Variants in ITPK1 observed in about 807,000 individuals in gnomAD.
ITPK1 encodes inositol 1,3,4-trisphosphate 5/6-kinase.
Under a neutral mutation model 45.3 loss-of-function variants are expected in ITPK1, and 21 were observed. The ratio of observed to expected loss-of-function variants is 0.46; its 90% CI spans 0.33 to 0.67. The LOEUF (loss-of-function observed/expected upper bound fraction) is 0.67, where lower values mean the gene tolerates loss of function less well. Among genes scored for constraint, ITPK1 ranks in the 30% least tolerant of loss-of-function variants. The probability of loss-of-function intolerance (pLI) is 0.02; values close to 1 mark genes in which losing one functional copy is unlikely to be tolerated. For missense variants in ITPK1, 474 were observed against 573.5 expected, an observed-to-expected ratio of 0.83 and a Z score of 1.77; for synonymous variants, 258 against 253.6, an observed-to-expected ratio of 1.02 and a Z score of -0.16.
At chr14:92,997,990 C>A (rs184793946) in intron 4 of ITPK1, among the ~76,000 whole-genome samples, 11 of 152,320 alleles carry the variant, frequency 7.2e-5, no homozygotes, top group Non-Finnish European at 1.5e-4. Context: ...CCTCCTCGAT[C>A]CTCACAGGCA....
At chr14:93,078,070 G>A (rs370690686) in intron 2 of ITPK1, among the ~76,000 whole-genome samples, 1 of 152,232 alleles carries the variant, frequency 6.6e-6, no homozygotes, top group Admixed American at 6.5e-5. Context: ...CTGGCACACA[G>A]ACACTCCTCA....
intron 4 of ITPK1, among the ~76,000 whole-genome samples, chr14:93,001,396 C>T (rs1293254167): frequency 1.3e-5 from 2 of 152,130 alleles, no homozygotes; most frequent in African/African-American, 2.4e-5. Flanking sequence ...CAGCTTTCCA[C>T]GTGGAATAGA....
chr14:93,061,871 T>C (rs1276598894), intron 3 of ITPK1, among the ~76,000 whole-genome samples: 1 of 152,210 alleles, frequency 6.6e-6, no homozygotes, highest in Non-Finnish European at 1.5e-5. Flanking sequence ...GATAATATTA[T>C]GCAGTCATTT....
intron 2 of ITPK1, among the ~76,000 whole-genome samples, chr14:93,105,704 T>C (rs1299792985): frequency 1.4e-5 from 1 of 72,154 alleles, no homozygotes; most frequent in Admixed American, 1.3e-4. Flanking sequence ...TTTGTGGGGT[T>C]TTTTTTTTTT....
At chr14:93,097,457 C>T (rs1262122213) in intron 2 of ITPK1, among the ~76,000 whole-genome samples, 1 of 152,150 alleles carries the variant, frequency 6.6e-6, no homozygotes, top group Non-Finnish European at 1.5e-5. Flanking sequence ...AGCCCCAGGG[C>T]AGAGACCCCT....
At position 93,045,644 on chromosome 14, in the gene ITPK1, G is replaced by A. The variant is rs539817653; in HGVS notation, c.121-28843C>T. Reference sequence around the variant, plus strand: ...AAATAGCCACTGTACTCCAGCCTGGGCAACACAGCGAAACCCTATCTAAGA... The same window carrying A: ...AAATAGCCACTGTACTCCAGCCTGGACAACACAGCGAAACCCTATCTAAGA... On this transcript the variant is annotated intron_variant, in intron 3 of 10. Coordinates refer to ENST00000267615, the MANE Select transcript of ITPK1 (RefSeq NM_014216.6). Among the ~76,000 whole-genome samples, 4 of 152,282 alleles carry A rather than the reference G, an allele frequency of 2.6e-5. No homozygotes were observed. The South Asian group carries it at 8.3e-4, about 32-fold the overall frequency.
chr14:92,962,648 C>T (rs1452153773), intron 6 of ITPK1, 103 bp downstream of exon 6: 19 of 917,608 alleles, frequency 2.1e-5, no homozygotes, highest in Admixed American at 5.4e-5. Flanking sequence ...CATCCATCCT[C>T]GGGTGAGCTT....
chr14:93,083,132 A>G (rs8019022), intron 2 of ITPK1, among the ~76,000 whole-genome samples: 9 of 152,132 alleles, frequency 5.9e-5, no homozygotes, highest in African/African-American at 2.2e-4. Context: ...AAGAGTGATG[A>G]GGAGCAGAGA....
chr14:92,946,610 C>A, intron 9 of ITPK1, 117 bp from the exon 10 acceptor site: 3 of 1,008,064 alleles, frequency 3.0e-6, no homozygotes, highest in Non-Finnish European at 4.4e-6. Context: ...GGCCAGGAAG[C>A]CAGACAGACC....
intron 3 of ITPK1, among the ~76,000 whole-genome samples, chr14:93,052,597 T>C (rs1890060122): frequency 1.3e-5 from 2 of 152,064 alleles, no homozygotes; most frequent in Non-Finnish European, 2.9e-5. Context: ...GATCCTTCAG[T>C]GGGGCCAGAG....
intron 8 of ITPK1, among the ~76,000 whole-genome samples, chr14:92,955,573 G>A (rs940510021): frequency 1.3e-5 from 2 of 152,194 alleles, no homozygotes; most frequent in Non-Finnish European, 2.9e-5. Context: ...AATGTTCCTG[G>A]TGGATGGCAC....
At chr14:93,114,726 C>T (rs143237679) in intron 2 of ITPK1, among the ~76,000 whole-genome samples, 1,904 of 152,284 alleles carry the variant, frequency 0.013, 54 homozygotes, top group African/African-American at 0.043. Context: ...ACCCTCAAGC[C>T]CTTACCCCAC....
intron 2 of ITPK1, among the ~76,000 whole-genome samples, chr14:93,081,312 C>A (rs1262884284): frequency 2.0e-5 from 3 of 150,306 alleles, no homozygotes; most frequent in Non-Finnish European, 4.4e-5. Flanking sequence ...CCAGCCTGGG[C>A]AACAGAGCGA....
Position 92,941,720 on chromosome 14 carries a change from G to A in ITPK1, c.1086C>T (p.Cys362=), listed in dbSNP as rs542067735. 33 of 1,580,882 alleles carry A rather than the reference G, an allele frequency of 2.1e-5. No homozygotes were observed. The highest frequency in any genetic ancestry group is 5.3e-5 in the Admixed American group (3 of 56,980). ...ERTCSASPGC[C]GSMMGQDAPW... The stretch of plus-strand genomic sequence containing the variant: ...GCGCGTCCTGGCCCATCATGCTGCC[G>A]CAGCAGCCGGGGCTGGCGCTGCATG... The change falls in exon 11 of 11, where the codon TGC becomes TGT. Residue 362 remains cysteine, a synonymous_variant. Transcript: ENST00000267615.
rs530658974 is a variant in ITPK1 at position 93,037,935 on chromosome 14, C to T, written c.121-21134G>A. On this transcript the variant is annotated intron_variant, in intron 3 of 10. Coordinates refer to ENST00000267615, the MANE Select transcript of ITPK1 (RefSeq NM_014216.6). ...AGCCTGTAACATTTGTATTACATAA[C>T]GTACTCCTCCAAGTTTTTAATATTT... Among the ~76,000 whole-genome samples, 10 of 152,276 alleles carry T rather than the reference C, an allele frequency of 6.6e-5. No homozygotes were observed. In the East Asian group the frequency reaches 9.6e-4, roughly 15 times the overall value.
chr14:93,111,011 TCATCCCTCATCCCTCCATCCC>T (rs1892728734), intron 2 of ITPK1, among the ~76,000 whole-genome samples: 2 of 143,150 alleles, frequency 1.4e-5, no homozygotes, highest in Non-Finnish European at 3.0e-5. Flanking sequence ...TCCTCATCCC[TCATCCCTCATCCCTCCATCCC>T]TCATCCCTCC....
chr14:92,985,343 T>C (rs1172330328), intron 5 of ITPK1, among the ~76,000 whole-genome samples: 1 of 152,074 alleles, frequency 6.6e-6, no homozygotes, highest in Non-Finnish European at 1.5e-5. Flanking sequence ...AATGTGAACT[T>C]CCTGGTTTAG....
chr14:93,046,185 T>C (rs1740595), intron 3 of ITPK1, among the ~76,000 whole-genome samples: 98,850 of 152,172 alleles, frequency 0.65, 33,652 homozygotes, highest in African/African-American at 0.88. Context: ...TGACCACAAG[T>C]TCCAAACAGG....
Position 92,979,836 on chromosome 14 carries a change from CAG to C in ITPK1, c.364+14042_364+14043del, listed in dbSNP as rs202164799. Reference sequence around the variant, plus strand: ...TTAATCCCTTTTTTTTTTTTGGAGACAGAGTCTCACTCTGTCACTCAGGCTGG... The same window carrying C: ...TTAATCCCTTTTTTTTTTTTGGAGACAGTCTCACTCTGTCACTCAGGCTGG... On this transcript the variant is annotated intron_variant, in intron 5 of 10. Coordinates refer to ENST00000267615, the MANE Select transcript of ITPK1 (RefSeq NM_014216.6). Among the ~76,000 whole-genome samples, 930 of 150,460 alleles carry C rather than the reference CAG, an allele frequency of 6.2e-3. 13 individuals carry two copies. Among genetic ancestry groups the C allele is most frequent in the African/African-American group, 0.021 (871 of 40,906 alleles).
Sources: allele counts gnomAD v4.1 joint callset (sites outside exome capture counted in the v4.1 genomes callset), GRCh38; gene constraint gnomAD v4.1.1; transcripts MANE v1.5; gene names NCBI Gene and HGNC (gene_info 2026-07-23, HGNC 2026-07-21).